The following PIEZO2 variants were observed in gnomAD, a reference collection of about 807,000 sequenced individuals.
PIEZO2 encodes the protein piezo type mechanosensitive ion channel component 2.
Under a neutral mutation model 337.3 loss-of-function variants are expected in PIEZO2, and 172 were observed. The ratio of observed to expected loss-of-function variants is 0.51; its 90% CI spans 0.45 to 0.58. The LOEUF is 0.58. Ranked by LOEUF, PIEZO2 falls within the 20% of genes least tolerant of loss-of-function variation. The pLI, the probability that PIEZO2 is intolerant of heterozygous loss-of-function variation, is 0.00. For synonymous variants in PIEZO2, 1,251 were observed against 1,228.5 expected (o/e 1.02, Z -0.38); for missense variants, 3,028 against 3,391.3 (o/e 0.89, Z 2.66).
rs1244487595 is a variant in PIEZO2, at chr18:10,671,751, G to C, written c.8374C>G (p.Leu2792Val). Residue 2792 changes from leucine (L) to valine (V), a missense_variant, in exon 56 of 56, where the codon CTT becomes GTT. Around this residue, in one of 5 missense-constraint regions of PIEZO2, gnomAD observed 332 missense variants for 363.8 expected, o/e 0.91. Coordinates refer to ENST00000674853, the MANE Select transcript of PIEZO2 (RefSeq NM_001378183.1). ...GIMGLYASVV[L>V]VIGKFVREFF... is the part of the protein sequence containing the mutation. The stretch of plus-strand genomic sequence containing the variant: ...TCACGGACAAATTTCCCAATCACAA[G>C]GACAACTGAAGCATATAATCCCATA... 1 of 1,613,260 alleles carries C rather than the reference G, an allele frequency of 6.2e-7. No homozygotes were observed. Among genetic ancestry groups the C allele is most frequent in the Admixed American group, 1.7e-5 (1 of 59,952 alleles).
rs2038691075 is a variant in PIEZO2 at position 10,773,825 on chromosome 18, A to C, written c.2567+181T>G. On this transcript the variant is annotated intron_variant, in intron 19 of 55. Transcript: ENST00000674853. This position sits in a 1 kb window ranked among gnomAD's most constrained non-coding sequence, Gnocchi z 5.3. ...AAGTTCTTTCTAAAAACAAACTGTA[A>C]ACTTGGTTAGGTTTTGTTAGCTTTT... is the stretch of plus-strand genomic sequence containing the variant. Among the ~76,000 whole-genome samples, 1 of 152,164 alleles carries C rather than the reference A, an allele frequency of 6.6e-6. No homozygotes were observed.
At position 10,929,316 on chromosome 18, in the gene PIEZO2, T is replaced by G. The variant is rs12604278; in HGVS notation, c.287-18088A>C. On this transcript the variant is annotated intron_variant, in intron 3 of 55. Transcript: ENST00000674853. The surrounding 1 kb of genome is among the most constrained non-coding windows in gnomAD (Gnocchi z 5.6). Reference sequence around the variant, plus strand: ...CATATGAAGGTGTTATGCTGCTGCATGCATGGGTACCCCACATATGCTGTT... The same window carrying G: ...CATATGAAGGTGTTATGCTGCTGCAGGCATGGGTACCCCACATATGCTGTT... 0.42 allele frequency among the ~76,000 whole-genome samples: 63,365 copies of G among 152,086 alleles called. 13,957 individuals are homozygous for G. Among genetic ancestry groups the G allele is most frequent in the South Asian group, 0.62 (2,994 of 4,814 alleles).
At chr18:10,730,834 C>A (rs1204648453) in intron 36 of PIEZO2, among the ~76,000 whole-genome samples, 1 of 152,164 alleles carries the variant, frequency 6.6e-6, no homozygotes, top group Non-Finnish European at 1.5e-5. Flanking sequence ...TCACGCCGTT[C>A]TCCTGCCTCA....
At chr18:10,734,808 G>A (rs1170444353) in intron 35 of PIEZO2, among the ~76,000 whole-genome samples, 20 of 152,144 alleles carry the variant, frequency 1.3e-4, no homozygotes, top group African/African-American at 4.8e-5. Flanking sequence ...GGACCCGAAT[G>A]AGAGACGGAG....
rs1251721461 is a variant in PIEZO2, at chr18:11,096,255, G to T, written c.65-30033C>A. ...ACGTGCCCTTTGCCAGACCAAGCCT[G>T]TCCACCCAATGGAACCTGCTGGCCC... is the stretch of plus-strand genomic sequence containing the variant. On this transcript the variant is annotated intron_variant, in intron 1 of 55. Coordinates refer to ENST00000674853, the MANE Select transcript of PIEZO2 (RefSeq NM_001378183.1). The surrounding 1 kb of genome is among the most constrained non-coding windows in gnomAD (Gnocchi z 4.6). Among the ~76,000 whole-genome samples, 1 of 152,216 alleles carries T rather than the reference G, an allele frequency of 6.6e-6. No homozygotes were observed. Among genetic ancestry groups the T allele is most frequent in the Non-Finnish European group, 1.5e-5 (1 of 68,042 alleles).
chr18:10,762,408 A>G, intron 23 of PIEZO2, 92 bp downstream of exon 23: 2 of 1,421,722 alleles, frequency 1.4e-6, no homozygotes, highest in Non-Finnish European at 1.9e-6. Context: ...TATGGTTACT[A>G]TCAAATGTGA....
intron 4 of PIEZO2, among the ~76,000 whole-genome samples, chr18:10,873,623 G>GTATT (rs60107773): frequency 0.39 from 59,432 of 151,618 alleles, 11,794 homozygotes; most frequent in African/African-American, 0.49. Flanking sequence ...TGGACAGACG[G>GTATT]TATTTAACTA....
Position 10,762,529 on chromosome 18 carries a change from T to C in PIEZO2, c.3220A>G (p.Lys1074Glu). The C allele has an allele frequency of 6.5e-7, 1 of 1,537,284 alleles. No homozygotes were observed. The highest frequency in any genetic ancestry group is 8.7e-7 in the Non-Finnish European group (1 of 1,146,906). Residue 1074 changes from lysine (K) to glutamate (E), a missense_variant, in exon 23 of 56, where the codon AAG becomes GAG. Physicochemically the swap from Lys to Glu is moderately conservative, Grantham distance 56. Transcript: ENST00000674853. ...AGGTAGACTAGCAGAGGCGAAGACT[T>C]CCGCAGGCCGACCCACTCTGTAGGA... is the stretch of plus-strand genomic sequence containing the variant. ...IDPTEWVGLR[K>E]SSPLLVYLRN... is the part of the protein sequence containing the mutation.
chr18:10,721,873 T>C (rs28694189), intron 36 of PIEZO2, among the ~76,000 whole-genome samples: 6,975 of 152,202 alleles, frequency 0.046, 530 homozygotes, highest in African/African-American at 0.16. Flanking sequence ...ATTTAAGACG[T>C]AGCCAGGTGC....
At chr18:10,829,770 A>G (rs1326146218) in intron 7 of PIEZO2, among the ~76,000 whole-genome samples, 1 of 152,212 alleles carries the variant, frequency 6.6e-6, no homozygotes, top group Non-Finnish European at 1.5e-5. Flanking sequence ...AATGAAAACT[A>G]TAAAACATTG....
rs144353130 is a variant in PIEZO2, at chr18:11,005,646, C to T, written c.161-25986G>A. Among the ~76,000 whole-genome samples, 254 of 152,326 alleles carry T rather than the reference C, an allele frequency of 1.7e-3. 3 individuals are homozygous for T. Among genetic ancestry groups the T allele is most frequent in the Middle Eastern group, 0.014 (4 of 294 alleles). On this transcript the variant is annotated intron_variant, in intron 2 of 55. Coordinates refer to ENST00000674853, the MANE Select transcript of PIEZO2 (RefSeq NM_001378183.1). ...TCCTTCACTCATGCATTCCCAGTGG[C>T]GTGAGAGGCCCAGCTTAGCTGGCCG... is the stretch of plus-strand genomic sequence containing the variant.
At chr18:11,107,042 C>T (rs960281170) in intron 1 of PIEZO2, among the ~76,000 whole-genome samples, 2 of 152,152 alleles carry the variant, frequency 1.3e-5, no homozygotes, top group Non-Finnish European at 1.5e-5. Flanking sequence ...GTTGACCCCC[C>T]CAGTGCACTT....
intron 1 of PIEZO2, among the ~76,000 whole-genome samples, chr18:11,075,741 C>T (rs564341607): frequency 1.4e-4 from 22 of 151,812 alleles, no homozygotes; most frequent in Non-Finnish European, 2.6e-4. Flanking sequence ...CACACCAAAA[C>T]GTGCTCACAT....
intron 4 of PIEZO2, among the ~76,000 whole-genome samples, chr18:10,891,457 A>G (rs1241398161): frequency 3.3e-5 from 5 of 152,240 alleles, no homozygotes; most frequent in African/African-American, 1.2e-4. Context: ...TCTTGGAGCC[A>G]AATGTACTTC....
In PIEZO2 at chr18:10,868,631, ATTG is replaced by A. The variant is rs145125150; in HGVS notation, c.492+2619_492+2621del. On this transcript the variant is annotated intron_variant, in intron 5 of 55. Transcript: ENST00000674853. ...AATGTTTAGAGTATCTGTCCATCTT[ATTG>A]TTATCTTTAAATAATGTGATTAATA... Among the ~76,000 whole-genome samples the A allele has an allele frequency of 1.5e-3, 225 of 152,316 alleles. 2 individuals are homozygous for A. Among genetic ancestry groups the A allele is most frequent in the African/African-American group, 4.4e-3 (181 of 41,570 alleles).
intron 1 of PIEZO2, among the ~76,000 whole-genome samples, chr18:11,098,244 T>TACACACAC (rs150739388): frequency 4.1e-5 from 6 of 145,656 alleles, no homozygotes; most frequent in Non-Finnish European, 7.6e-5. Context: ...AGAAGCAAGA[T>TACACACAC]ACACACACAC....
At chr18:10,848,128 A>G (rs1598577281) in intron 7 of PIEZO2, among the ~76,000 whole-genome samples, 1 of 152,192 alleles carries the variant, frequency 6.6e-6, no homozygotes, top group African/African-American at 2.4e-5. Context: ...CATTTCAATA[A>G]CCGGATTATG....
Position 10,680,212 on chromosome 18 carries a change from A to T in PIEZO2, c.7939T>A (p.Trp2647Arg). 1 of 1,613,062 alleles carries T rather than the reference A, an allele frequency of 6.2e-7. No homozygotes were observed. Among genetic ancestry groups the T allele is most frequent in the Non-Finnish European group, 8.5e-7 (1 of 1,179,264 alleles). Residue 2647 changes from tryptophan to arginine, a missense_variant, in exon 52 of 56, where the codon TGG becomes AGG. Transcript: ENST00000674853. ...TACAGTAACTACCTCTGAATACTCCATGAAAAAACAACAGAGAAGCTACTA... is the reference window on the plus strand; with the variant it reads ...TACAGTAACTACCTCTGAATACTCCTTGAAAAAACAACAGAGAAGCTACTA... ...PNSSFSVVFS[W>R]SIQRNLSLGA...
chr18:11,108,613 C>CAAAA (rs532226919), intron 1 of PIEZO2, among the ~76,000 whole-genome samples: 8 of 56,858 alleles, frequency 1.4e-4, no homozygotes, highest in African/African-American at 2.8e-4. Flanking sequence ...GACTCCCTCT[C>CAAAA]AAAAAAAAAA....
Sources: allele counts gnomAD v4.1 joint callset (sites outside exome capture counted in the v4.1 genomes callset), GRCh38; gene constraint gnomAD v4.1.1; regional missense constraint gnomAD v4.1.1; non-coding constraint Gnocchi (gnomAD v3.1); transcripts MANE v1.5; gene names NCBI Gene and HGNC (gene_info 2026-07-23, HGNC 2026-07-21).